ZIM2: variants seen among roughly 807,000 people sequenced by gnomAD.
ZIM2 encodes zinc finger imprinted 2, also known as zinc finger protein 656.
Under a neutral mutation model 38.6 loss-of-function variants are expected in ZIM2, and 14 were observed. That is an observed-to-expected ratio of 0.36 (90% CI 0.24 to 0.57). The LOEUF is 0.57. ZIM2 is among the 20% of genes least tolerant of loss of function. The probability of loss-of-function intolerance (pLI) is 0.81; values close to 1 mark genes in which losing one functional copy is unlikely to be tolerated. For missense variants in ZIM2, 680 were observed against 695.1 expected, an observed-to-expected ratio of 0.98 and a Z score of 0.24; for synonymous variants, 247 against 245.8, an observed-to-expected ratio of 1.00 and a Z score of -0.04.
chr19:56,787,099 G>C (rs1323438488), intron 10 of ZIM2, among the ~76,000 whole-genome samples: 1 of 152,044 alleles, frequency 6.6e-6, no homozygotes, highest in Non-Finnish European at 1.5e-5. Flanking sequence ...GCCTCCCAAA[G>C]TGCTGGGGTT....
chr19:56,834,238 T>TC (rs1294446408), intron 2 of ZIM2, among the ~76,000 whole-genome samples: 1 of 152,100 alleles, frequency 6.6e-6, no homozygotes, highest in Admixed American at 6.5e-5. Context: ...AGTGAACAAC[T>TC]CTCATCAGAC....
Position 56,814,232 on chromosome 19 carries a change from G to A in ZIM2, c.490+3514C>T, listed in dbSNP as rs759017080. 4 of 1,612,840 alleles carry A rather than the reference G, an allele frequency of 2.5e-6. No homozygotes were observed. The highest frequency in any genetic ancestry group is 2.5e-6 in the Non-Finnish European group (3 of 1,179,492). Reference sequence around the variant, plus strand: ...TCTGGCTCAGCAGCCTCCACTTCTGGCTCGGCAGCCTCCACTTCTGGCTCA... The same window carrying A: ...TCTGGCTCAGCAGCCTCCACTTCTGACTCGGCAGCCTCCACTTCTGGCTCA... On this transcript the variant is annotated intron_variant, in intron 9 of 12. Transcript: ENST00000629319. The surrounding 1 kb of genome is among the most constrained non-coding windows in gnomAD (Gnocchi z 5.8).
At chr19:56,815,658 A>G in intron 9 of ZIM2, 1 of 1,614,124 alleles carries the variant, frequency 6.2e-7, no homozygotes, top group Non-Finnish European at 8.5e-7. Flanking sequence ...ATTCACGGAC[A>G]TTTGAGCTGG....
intron 9 of ZIM2, chr19:56,799,030 C>T (rs1023870300): frequency 1.3e-5 from 2 of 152,182 alleles, no homozygotes; most frequent in African/African-American, 4.8e-5. Context: ...TAAATTAGTT[C>T]TACCCTTGTC....
intron 12 of ZIM2, among the ~76,000 whole-genome samples, chr19:56,776,457 T>C (rs1337660824): frequency 1.3e-5 from 2 of 152,244 alleles, no homozygotes; most frequent in East Asian, 3.8e-4. Context: ...GAATGTGGCA[T>C]TTCTTAAAGT....
chr19:56,806,029 G>C (rs1048914946), intron 9 of ZIM2, among the ~76,000 whole-genome samples: 1 of 152,166 alleles, frequency 6.6e-6, no homozygotes, highest in Non-Finnish European at 1.5e-5. Flanking sequence ...GGTGAGCTTT[G>C]TGATGTGTGA....
rs775431429 is a variant in ZIM2, at chr19:56,782,128, C to G, written c.571-7G>C. On this transcript the variant is annotated splice_region_variant and splice_polypyrimidine_tract_variant and intron_variant, in intron 10 of 12. Transcript: ENST00000629319. ...AGTGTTTGAAGTCCGGGAACTATCC[C>G]AGAGAGAGGAGAAGGGACGTGATTA... 59 of 1,612,598 alleles carry G rather than the reference C, an allele frequency of 3.7e-5. No individual in the cohort carries two copies. Among genetic ancestry groups the G allele is most frequent in the Non-Finnish European group, 5.0e-5 (59 of 1,179,100 alleles).
rs764036543 is a variant in ZIM2 at position 56,823,571 on chromosome 19, A to C, written c.106+19T>G. 2 of 1,613,760 alleles carry C rather than the reference A, an allele frequency of 1.2e-6. No homozygotes were observed. Among genetic ancestry groups the C allele is most frequent in the East Asian group, 2.2e-5 (1 of 44,880 alleles). On this transcript the variant is annotated intron_variant, in intron 5 of 12. Transcript: ENST00000629319. Reference sequence around the variant, plus strand: ...TGGCAGCGCCTGCCCATGGGTGACCAGTGGGGATGGGTACTCACCACTGAA... The same window carrying C: ...TGGCAGCGCCTGCCCATGGGTGACCCGTGGGGATGGGTACTCACCACTGAA...
chr19:56,821,122 G>A (rs150581435), intron 7 of ZIM2, among the ~76,000 whole-genome samples: 58 of 152,346 alleles, frequency 3.8e-4, no homozygotes, highest in African/African-American at 1.4e-3. Context: ...TTATGTATGT[G>A]TGTGAGTGAC....
At chr19:56,812,706 C>G (rs2059618437) in intron 9 of ZIM2, 1 of 982,980 alleles carries the variant, frequency 1.0e-6, no homozygotes, top group Non-Finnish European at 1.2e-6. Context: ...TTAGGCACTA[C>G]TGTGATCTAG....
At chr19:56,804,594 G>T (rs2047672145) in intron 9 of ZIM2, among the ~76,000 whole-genome samples, 1 of 152,176 alleles carries the variant, frequency 6.6e-6, no homozygotes, top group Admixed American at 6.5e-5. Context: ...AGCCTCTGTT[G>T]TTATTTCTCC....
intron 9 of ZIM2, among the ~76,000 whole-genome samples, chr19:56,801,764 A>C (rs1337123299): frequency 1.3e-5 from 2 of 152,188 alleles, no homozygotes; most frequent in Non-Finnish European, 2.9e-5. Flanking sequence ...ATAAACTCCA[A>C]AAAGTAAAAT....
chr19:56,804,915 T>G (rs1042267229), intron 9 of ZIM2, among the ~76,000 whole-genome samples: 4 of 152,224 alleles, frequency 2.6e-5, no homozygotes, highest in Non-Finnish European at 5.9e-5. Context: ...CAGCTGTTAG[T>G]GGCAGAGGCA....
chr19:56,799,284 T>C (rs1367663683), intron 9 of ZIM2: 1 of 152,212 alleles, frequency 6.6e-6, no homozygotes, highest in Admixed American at 6.5e-5. Context: ...AGGAACAAGA[T>C]AATGTCTTTT....
rs376140531 is a variant in ZIM2, at chr19:56,793,821, CA to C, written c.491-3871del. Among the ~76,000 whole-genome samples the C allele has an allele frequency of 5.9e-4, 84 of 141,980 alleles. 1 individual carries two copies. Among genetic ancestry groups the C allele is most frequent in the African/African-American group, 1.7e-3 (66 of 38,652 alleles). The allele number at this position is 141,980 out of a possible 152,430, so 93.1% of individuals were successfully genotyped here. ...GCTGTTGAATGAAAGAAACCAGGCT[CA>C]AAAAAAAAAGGTCTGTATTATATGA... On this transcript the variant is annotated intron_variant, in intron 9 of 12. Transcript: ENST00000629319.
chr19:56,820,607 G>T (rs540601646), intron 7 of ZIM2, among the ~76,000 whole-genome samples: 3 of 152,182 alleles, frequency 2.0e-5, no homozygotes, highest in Admixed American at 6.5e-5. Flanking sequence ...CACCTGACCC[G>T]GCGTGCTCCT....
chr19:56,811,907 A>G (rs1558355), intron 9 of ZIM2: 521,416 of 984,228 alleles, frequency 0.53, 139,285 homozygotes, highest in South Asian at 0.62. Context: ...ATCTGGTGAT[A>G]TATTAGGACT....
intron 2 of ZIM2, among the ~76,000 whole-genome samples, chr19:56,832,340 G>C (rs1286344402): frequency 6.6e-6 from 1 of 151,938 alleles, no homozygotes; most frequent in Non-Finnish European, 1.5e-5. Context: ...AGTACCCTGT[G>C]GTCACCATCT....
At chr19:56,818,560 A>G in intron 8 of ZIM2, 40 bp downstream of exon 8, 9 of 1,608,794 alleles carry the variant, frequency 5.6e-6, no homozygotes, top group East Asian at 2.2e-5. Flanking sequence ...AAATGCTCCA[A>G]TGACTGGACT....
Sources: allele counts gnomAD v4.1 joint callset (sites outside exome capture counted in the v4.1 genomes callset), GRCh38; gene constraint gnomAD v4.1.1; non-coding constraint Gnocchi (gnomAD v3.1); transcripts MANE v1.5; gene names NCBI Gene and HGNC (gene_info 2026-07-23, HGNC 2026-07-21).